GALNT7: variants seen among roughly 807,000 people sequenced by gnomAD.
GALNT7 encodes N-acetylgalactosaminyltransferase 7.
GALNT7 carries 60 observed loss-of-function variants against 82.1 expected under a neutral mutation model. That is an observed-to-expected ratio of 0.73 (90% CI 0.59 to 0.91). The LOEUF (loss-of-function observed/expected upper bound fraction) is 0.91, where lower values mean the gene tolerates loss of function less well. Among genes scored for constraint, GALNT7 ranks in the 40% least tolerant of loss-of-function variants. The pLI, the probability that GALNT7 is intolerant of heterozygous loss-of-function variation, is 0.00. For synonymous variants in GALNT7, 243 were observed against 275.1 expected (o/e 0.88, Z 1.15); for missense variants, 660 against 804.2 (o/e 0.82, Z 2.17).
chr4:173,268,407 G>T (rs1019340495), intron 2 of GALNT7, among the ~76,000 whole-genome samples: 1 of 151,630 alleles, frequency 6.6e-6, no homozygotes, highest in Admixed American at 6.6e-5. Flanking sequence ...AGGATACCAG[G>T]TAGCACACTG....
intron 1 of GALNT7, among the ~76,000 whole-genome samples, chr4:173,201,770 A>G (rs1241327560): frequency 6.6e-6 from 1 of 152,194 alleles, no homozygotes; most frequent in Non-Finnish European, 1.5e-5. Flanking sequence ...TGCCTCAATA[A>G]TGCATCGGCC....
chr4:173,308,209 G>C (rs754513777), intron 8 of GALNT7, among the ~76,000 whole-genome samples: 3 of 152,140 alleles, frequency 2.0e-5, no homozygotes, highest in Non-Finnish European at 4.4e-5. Context: ...ATAGGTGTCT[G>C]TATTTGTTTT....
At chr4:173,220,483 T>C (rs1733608135) in intron 1 of GALNT7, among the ~76,000 whole-genome samples, 1 of 152,294 alleles carries the variant, frequency 6.6e-6, no homozygotes, top group East Asian at 1.9e-4. Flanking sequence ...AGCTCTTTTT[T>C]GGTTTTATTT....
chr4:173,197,520 T>C (rs2126647899), intron 1 of GALNT7, among the ~76,000 whole-genome samples: 1 of 152,370 alleles, frequency 6.6e-6, no homozygotes, highest in Middle Eastern at 3.4e-3. Context: ...GTTATACTAT[T>C]GGTAATCAGA....
At chr4:173,285,614 T>C (rs1736292980) in intron 2 of GALNT7, among the ~76,000 whole-genome samples, 1 of 152,250 alleles carries the variant, frequency 6.6e-6, no homozygotes, top group Non-Finnish European at 1.5e-5. Context: ...AGCTTTTACT[T>C]TTACTGCAAA....
chr4:173,242,405 A>C (rs1044884392), intron 1 of GALNT7, among the ~76,000 whole-genome samples: 2 of 152,184 alleles, frequency 1.3e-5, no homozygotes, highest in Non-Finnish European at 2.9e-5. Flanking sequence ...GCCATTGGAA[A>C]GTGGCCTTCA....
rs760956849 is a variant in GALNT7 at position 173,320,175 on chromosome 4, C to T, written c.1837-1405C>T. 2.0e-5 allele frequency among the ~76,000 whole-genome samples: 3 copies of T among 151,990 alleles called. No individual in the cohort carries two copies. The highest frequency in any genetic ancestry group is 7.2e-5 in the African/African-American group (3 of 41,392). On this transcript the variant is annotated intron_variant, in intron 11 of 11. Coordinates refer to ENST00000265000, the MANE Select transcript of GALNT7 (RefSeq NM_017423.3). This position sits in a 1 kb window ranked among gnomAD's most constrained non-coding sequence, Gnocchi z 4.1. ...CGTGAGGTATGGACTGATGAAGCAA[C>T]GAGATCAGCTTGAGCAGCAGTTCTC... is the stretch of plus-strand genomic sequence containing the variant.
At chr4:173,248,841 G>A (rs1023777086) in intron 2 of GALNT7, among the ~76,000 whole-genome samples, 2 of 152,140 alleles carry the variant, frequency 1.3e-5, no homozygotes, top group African/African-American at 4.8e-5. Context: ...TTTTCATTCT[G>A]GAGCAAGTGC....
chr4:173,231,584 A>G (rs1033442156), intron 1 of GALNT7, among the ~76,000 whole-genome samples: 1 of 152,192 alleles, frequency 6.6e-6, no homozygotes, highest in Non-Finnish European at 1.5e-5. Flanking sequence ...GAGTAAAATT[A>G]CAGGTCCTGT....
chr4:173,184,247 C>T (rs28576009), intron 1 of GALNT7, among the ~76,000 whole-genome samples: 3,701 of 151,990 alleles, frequency 0.024, 110 homozygotes, highest in African/African-American at 0.074. Context: ...CCAAGGCAGG[C>T]GGCTGGGAGG....
chr4:173,258,821 T>C (rs1302417426), intron 2 of GALNT7, among the ~76,000 whole-genome samples: 1 of 152,220 alleles, frequency 6.6e-6, no homozygotes, highest in Non-Finnish European at 1.5e-5. Flanking sequence ...TCCAGTTTGC[T>C]ACAGGACATT....
At chr4:173,186,102 A>G (rs1732452620) in intron 1 of GALNT7, among the ~76,000 whole-genome samples, 1 of 152,214 alleles carries the variant, frequency 6.6e-6, no homozygotes, top group Admixed American at 6.5e-5. Context: ...TAAGCCAATC[A>G]TTTGTCATGG....
chr4:173,271,336 G>A (rs1047529878), intron 2 of GALNT7, among the ~76,000 whole-genome samples: 1 of 151,982 alleles, frequency 6.6e-6, no homozygotes, highest in East Asian at 1.9e-4. Context: ...TTTGAAAAAA[G>A]GAAAGAAGTA....
At chr4:173,297,719 AAG>A (rs1736769996) in intron 5 of GALNT7, 2 of 623,254 alleles carry the variant, frequency 3.2e-6, no homozygotes, top group Non-Finnish European at 4.9e-6. Flanking sequence ...CAACAACAAA[AAG>A]AGATAACGTA....
intron 1 of GALNT7, among the ~76,000 whole-genome samples, chr4:173,180,576 C>T (rs1308237034): frequency 2.0e-5 from 3 of 152,176 alleles, no homozygotes; most frequent in Admixed American, 2.0e-4. Context: ...GATCCGCCTG[C>T]CTTGGTTTCC....
At chr4:173,304,187 T>G (rs1003107025) in intron 8 of GALNT7, 69 bp downstream of exon 8, 5 of 1,362,984 alleles carry the variant, frequency 3.7e-6, no homozygotes, top group African/African-American at 1.5e-5. Context: ...TAGTAGTTAC[T>G]TAACAATTGT....
intron 8 of GALNT7, among the ~76,000 whole-genome samples, chr4:173,307,549 C>A (rs1193464329): frequency 6.6e-6 from 1 of 152,138 alleles, no homozygotes; most frequent in Non-Finnish European, 1.5e-5. Context: ...GGCCCAGATG[C>A]TTGTGAAGTA....
chr4:173,239,228 C>T (rs941436614), intron 1 of GALNT7, among the ~76,000 whole-genome samples: 1 of 152,118 alleles, frequency 6.6e-6, no homozygotes, highest in East Asian at 1.9e-4. Context: ...ATAATGTTTT[C>T]ACTTATCTCA....
At chr4:173,213,119 G>C (rs1432916965) in intron 1 of GALNT7, among the ~76,000 whole-genome samples, 1 of 152,128 alleles carries the variant, frequency 6.6e-6, no homozygotes, top group African/African-American at 2.4e-5. Flanking sequence ...AAGTTGACGA[G>C]ATGATAAATA....
Sources: allele counts gnomAD v4.1 joint callset (sites outside exome capture counted in the v4.1 genomes callset), GRCh38; gene constraint gnomAD v4.1.1; non-coding constraint Gnocchi (gnomAD v3.1); transcripts MANE v1.5; gene names NCBI Gene and HGNC (gene_info 2026-07-23, HGNC 2026-07-21).